ZHX3: variants seen among roughly 807,000 people sequenced by gnomAD.
ZHX3 encodes zinc fingers and homeoboxes protein 3.
Under a neutral mutation model 64.5 loss-of-function variants are expected in ZHX3, and 20 were observed. That is an observed-to-expected ratio of 0.31 (90% confidence interval 0.22 to 0.45). The LOEUF is 0.45. ZHX3 is among the 20% of genes least tolerant of loss of function. The pLI is 1.00. For missense variants in ZHX3, 1,041 were observed against 1,195.8 expected, an observed-to-expected ratio of 0.87 and a Z score of 1.91; for synonymous variants, 423 against 461.6, an observed-to-expected ratio of 0.92 and a Z score of 1.07.
In ZHX3 at chr20:41,226,043, G is replaced by A. The variant is rs978740136; in HGVS notation, c.-150-20977C>T. Among the ~76,000 whole-genome samples, 2 of 152,108 alleles carry A rather than the reference G, an allele frequency of 1.3e-5. No homozygotes were observed. The highest frequency in any genetic ancestry group is 2.9e-5 in the Non-Finnish European group (2 of 68,014). On this transcript the variant is annotated intron_variant, in intron 2 of 3. Transcript: ENST00000683867. The surrounding 1 kb of genome is among the most constrained non-coding windows in gnomAD (Gnocchi z 4.4). Reference sequence around the variant, plus strand: ...CCAACTAGAAGAGAATGAAAAGCAAGCTGTTTTCATCATCCTACTACCACT... The same window carrying A: ...CCAACTAGAAGAGAATGAAAAGCAAACTGTTTTCATCATCCTACTACCACT...
chr20:41,271,045 A>G (rs140826738), intron 1 of ZHX3, among the ~76,000 whole-genome samples: 7 of 152,108 alleles, frequency 4.6e-5, no homozygotes, highest in African/African-American at 7.2e-5. Context: ...TTTTTGAGAG[A>G]GAGTCTCACT....
chr20:41,293,402 C>T lies in ZHX3; in HGVS notation c.-245+24107G>A, dbSNP rs184428486. Among the ~76,000 whole-genome samples, 288 of 152,294 alleles carry T rather than the reference C, an allele frequency of 1.9e-3. 1 individual carries two copies. The Middle Eastern group carries it at 0.034, about 18-fold the overall frequency. ...GGGCCCCTCCTGTTCCTCATTTTTACTGATGAGTCACATAAGGATATTGAA... is the reference window on the plus strand; with the variant it reads ...GGGCCCCTCCTGTTCCTCATTTTTATTGATGAGTCACATAAGGATATTGAA... On this transcript the variant is annotated intron_variant, in intron 1 of 3. Coordinates refer to ENST00000683867, the MANE Select transcript of ZHX3 (RefSeq NM_001384317.1).
At chr20:41,196,943 A>T (rs2037761228) in intron 3 of ZHX3, 2 of 168,022 alleles carry the variant, frequency 1.2e-5, no homozygotes, top group African/African-American at 4.8e-5. Context: ...GTGACCACTG[A>T]GTCTGATGTG....
intron 2 of ZHX3, among the ~76,000 whole-genome samples, chr20:41,245,592 A>G (rs563256444): frequency 8.4e-4 from 128 of 152,344 alleles, no homozygotes; most frequent in African/African-American, 3.0e-3. Context: ...ACCCAGTTAC[A>G]TAACTGCCTC....
intron 2 of ZHX3, among the ~76,000 whole-genome samples, chr20:41,238,396 G>T (rs765746910): frequency 6.6e-6 from 1 of 152,146 alleles, no homozygotes; most frequent in Non-Finnish European, 1.5e-5. Context: ...AAAAAGGAAG[G>T]CAGCAGGGAG....
At chr20:41,231,055 C>T (rs2040572400) in intron 2 of ZHX3, among the ~76,000 whole-genome samples, 1 of 152,204 alleles carries the variant, frequency 6.6e-6, no homozygotes, top group South Asian at 2.1e-4. Context: ...CTGGCAACCA[C>T]TGATCATTTA....
chr20:41,197,320 T>C (rs1379763169), intron 3 of ZHX3, among the ~76,000 whole-genome samples: 2 of 125,714 alleles, frequency 1.6e-5, no homozygotes, highest in Admixed American at 7.9e-5. Flanking sequence ...ATATTTAAAA[T>C]ACATATATAT....
chr20:41,202,916 C>T lies in ZHX3; in HGVS notation c.2001G>A (p.Val667=). Residue 667 remains valine (V), a synonymous_variant, in exon 3 of 4, where the codon GTG becomes GTA. Coordinates refer to ENST00000683867, the MANE Select transcript of ZHX3 (RefSeq NM_001384317.1). The surrounding 1 kb of genome is among the most constrained non-coding windows in gnomAD (Gnocchi z 7.0). ...DSWFSERRKK[V]NAEETKKAEE... ...CAGCCTTCTTGGTCTCCTCAGCATT[C>T]ACTTTTTTCCGTCTCTCTGAAAACC... 1.9e-6 allele frequency: 3 copies of T among 1,614,162 alleles called. No individual in the cohort carries two copies. Among genetic ancestry groups the T allele is most frequent in the Non-Finnish European group, 2.5e-6 (3 of 1,180,032 alleles).
chr20:41,252,555 T>C (rs1460194256), intron 2 of ZHX3, among the ~76,000 whole-genome samples: 2 of 152,196 alleles, frequency 1.3e-5, no homozygotes, highest in Non-Finnish European at 1.5e-5. Flanking sequence ...CAAGTAAGTC[T>C]AACTGTAACA....
chr20:41,292,778 G>A (rs6029613), intron 1 of ZHX3, among the ~76,000 whole-genome samples: 27,158 of 152,174 alleles, frequency 0.18, 4,008 homozygotes, highest in African/African-American at 0.41. Flanking sequence ...ACTGTTGACT[G>A]TCTCTTTTCT....
At chr20:41,196,457 T>TATTTATAATATATAAATA (rs11480834) in intron 3 of ZHX3, among the ~76,000 whole-genome samples, 32 of 1,374 alleles carry the variant, frequency 0.023, 1 homozygote, top group South Asian at 0.1. Context: ...ATATAATATA[T>TATTTATAATATATAAATA]TTATATATAA....
At position 41,202,436 on chromosome 20, in the gene ZHX3, G is replaced by A. The variant is rs752391958; in HGVS notation, c.2481C>T (p.Tyr827=). ...YALKNGQLKW[Y]EDYKRGNFPP... ...GGAAGTTGCCTCGCTTATAGTCTTC[G>A]TACCATTTGAGTTGGCCGTTCTTCA... Residue 827 remains tyrosine (Y), a synonymous_variant, in exon 3 of 4, where the codon TAC becomes TAT. Coordinates refer to ENST00000683867, the MANE Select transcript of ZHX3 (RefSeq NM_001384317.1). This position sits in a 1 kb window ranked among gnomAD's most constrained non-coding sequence, Gnocchi z 7.0. 5.2e-5 allele frequency: 84 copies of A among 1,614,024 alleles called. No individual in the cohort carries two copies. The highest frequency in any genetic ancestry group is 6.4e-5 in the Non-Finnish European group (75 of 1,180,036).
chr20:41,303,559 C>T (rs2044886846), intron 1 of ZHX3, among the ~76,000 whole-genome samples: 1 of 152,192 alleles, frequency 6.6e-6, no homozygotes, highest in African/African-American at 2.4e-5. Context: ...GGCAAAAATT[C>T]CAGCCCCTTG....
chr20:41,233,435 G>A (rs1315569252), intron 2 of ZHX3, among the ~76,000 whole-genome samples: 3 of 152,168 alleles, frequency 2.0e-5, no homozygotes, highest in African/African-American at 7.2e-5. Flanking sequence ...AAAAGTTTGA[G>A]ACCCAATCAA....
rs2146282335 is a variant in ZHX3 at position 41,210,898 on chromosome 20, G to C, written c.-150-5832C>G. On this transcript the variant is annotated intron_variant, in intron 2 of 3. Coordinates refer to ENST00000683867, the MANE Select transcript of ZHX3 (RefSeq NM_001384317.1). ...CTTTTAAGTATTTTTTTAAAAGAAA[G>C]GAAAGAAGAAAGAAGAGGAAACCAG... Among the ~76,000 whole-genome samples the C allele has an allele frequency of 2.0e-5, 3 of 151,888 alleles. No homozygotes were observed. In the South Asian group the frequency reaches 6.3e-4, roughly 32 times the overall value.
intron 3 of ZHX3, among the ~76,000 whole-genome samples, chr20:41,189,346 T>C (rs1177617974): frequency 6.6e-6 from 1 of 152,196 alleles, no homozygotes; most frequent in Non-Finnish European, 1.5e-5. Context: ...TCTGTACAAA[T>C]TTTAGGGTTT....
chr20:41,270,094 A>C (rs1055862953), intron 1 of ZHX3, among the ~76,000 whole-genome samples: 1 of 152,230 alleles, frequency 6.6e-6, no homozygotes, highest in Non-Finnish European at 1.5e-5. Flanking sequence ...TTACCTAAAG[A>C]AAAGCATTAT....
At chr20:41,186,745 T>A (rs1378723038) in intron 3 of ZHX3, among the ~76,000 whole-genome samples, 2 of 152,188 alleles carry the variant, frequency 1.3e-5, no homozygotes, top group African/African-American at 4.8e-5. Context: ...ATGCCAAAGG[T>A]TCGTCTTTTC....
chr20:41,204,404 T>A lies in ZHX3; in HGVS notation c.513A>T (p.Glu171Asp). 6.2e-7 allele frequency: 1 copy of A among 1,614,210 alleles called. No individual in the cohort carries two copies. Among genetic ancestry groups the A allele is most frequent in the Non-Finnish European group, 8.5e-7 (1 of 1,180,042 alleles). ...TGATTTCTGCCTGTCCATCAGCCCCTTCAGCACTGGGCTCACCCGCTAGGT... is the reference window on the plus strand; with the variant it reads ...TGATTTCTGCCTGTCCATCAGCCCCATCAGCACTGGGCTCACCCGCTAGGT... ...TPDLAGEPSA[E>D]GADGQAEIII... The change falls in exon 3 of 4, where the codon GAA (glutamate) becomes GAT (aspartate). Residue 171 changes from glutamate to aspartate, a missense_variant. This residue lies in a region of ZHX3 where 358 missense variants were observed against 369.1 expected (regional missense o/e 0.97). Transcript: ENST00000683867. This position sits in a 1 kb window ranked among gnomAD's most constrained non-coding sequence, Gnocchi z 6.6.
Sources: gnomAD v4.1 joint callset for allele counts (sites outside exome capture counted in the v4.1 genomes callset) on GRCh38, gnomAD v4.1.1 for gene constraint, gnomAD v4.1.1 regional missense constraint, Gnocchi (gnomAD v3.1) non-coding constraint, MANE v1.5 for transcripts, NCBI Gene and HGNC (gene_info 2026-07-23, HGNC 2026-07-21) for gene names.